IQUB: variants seen among roughly 807,000 people sequenced by gnomAD.
IQUB encodes IQ motif and ubiquitin domain containing, also known as IQ motif and ubiquitin-like domain-containing protein.
Under a neutral mutation model 86.4 loss-of-function variants are expected in IQUB, and 86 were observed. The ratio of observed to expected loss-of-function variants is 1.00; its 90% confidence interval spans 0.84 to 1.19. IQUB has a LOEUF of 1.19. Ranked by LOEUF, IQUB falls within the 50% of genes most tolerant of loss-of-function variation. IQUB has a pLI of 0.00. For synonymous variants in IQUB, 289 were observed against 304.5 expected (o/e 0.95, Z 0.53); for missense variants, 946 against 916.9 (o/e 1.03, Z -0.41).
intron 1 of IQUB, among the ~76,000 whole-genome samples, chr7:123,523,929 C>T (rs1293780946): frequency 6.6e-6 from 1 of 152,110 alleles, no homozygotes; most frequent in Non-Finnish European, 1.5e-5. Flanking sequence ...TATGGCTAGC[C>T]AGTTTTCCCA....
chr7:123,496,354 T>C (rs1795706959), intron 7 of IQUB, among the ~76,000 whole-genome samples: 1 of 152,058 alleles, frequency 6.6e-6, no homozygotes. Flanking sequence ...ACAGCTCAAC[T>C]CTGAGTTCAA....
Position 123,508,111 on chromosome 7 carries a change from AGAG to A in IQUB, c.532+1787_532+1789del, listed in dbSNP as rs1306326752. 5.3e-4 allele frequency among the ~76,000 whole-genome samples: 80 copies of A among 151,782 alleles called. 1 individual carries two copies. The highest frequency in any genetic ancestry group is 1.6e-4 in the Non-Finnish European group (11 of 68,024). ...GGAAGGAAGAGGAAGATTTGATGAC[AGAG>A]GAGAAGGCCATATGACAGAAGCAGA... On this transcript the variant is annotated intron_variant, in intron 3 of 12. Transcript: ENST00000324698.
Position 123,457,585 on chromosome 7 carries a change from T to A in IQUB, c.2008-19A>T, listed in dbSNP as rs1485133352. ...CTTGTAGCTGCATGTCAAAGCAAGT[T>A]TTAAAAACAATGTAGTTTAAATTTG... On this transcript the variant is annotated intron_variant, in intron 11 of 12. Coordinates refer to ENST00000324698, the MANE Select transcript of IQUB (RefSeq NM_178827.5). The A allele has an allele frequency of 6.4e-7, 1 of 1,573,154 alleles. No individual in the cohort carries two copies. The highest frequency in any genetic ancestry group is 8.6e-7 in the Non-Finnish European group (1 of 1,158,272).
Position 123,457,319 on chromosome 7 carries a change from C to T in IQUB, c.2193+62G>A, listed in dbSNP as rs1248364270. 4 of 1,574,498 alleles carry T rather than the reference C, an allele frequency of 2.5e-6. No individual in the cohort carries two copies. The African/African-American group carries it at 4.1e-5, about 16-fold the overall frequency. Reference sequence around the variant, plus strand: ...GCATGGAATATATTAGAAGGCAGTCCAGTTATCGCTAATAATTCCAATGAT... The same window carrying T: ...GCATGGAATATATTAGAAGGCAGTCTAGTTATCGCTAATAATTCCAATGAT... On this transcript the variant is annotated intron_variant, in intron 12 of 12. Coordinates refer to ENST00000324698, the MANE Select transcript of IQUB (RefSeq NM_178827.5).
chr7:123,489,939 TC>T (rs2117129633), intron 7 of IQUB, among the ~76,000 whole-genome samples: 1 of 151,940 alleles, frequency 6.6e-6, no homozygotes, highest in African/African-American at 2.4e-5. Flanking sequence ...AAATTTAAAT[TC>T]ATAATAGTAA....
intron 6 of IQUB, chr7:123,501,718 T>C (rs1046330132): frequency 1.3e-5 from 2 of 152,234 alleles, no homozygotes; most frequent in Non-Finnish European, 2.9e-5. Flanking sequence ...GAACGTGACC[T>C]TGGTCTACTT....
intron 3 of IQUB, among the ~76,000 whole-genome samples, chr7:123,507,756 C>T (rs1413771083): frequency 3.3e-5 from 5 of 151,742 alleles, no homozygotes; most frequent in African/African-American, 4.8e-5. Flanking sequence ...CCCTGTAGTC[C>T]CAGCTGCTTG....
rs1793480307 is a variant in IQUB, at chr7:123,452,756, C to T, written c.2363G>A (p.Arg788Lys). 1.9e-6 allele frequency: 3 copies of T among 1,611,946 alleles called. No individual in the cohort carries two copies. The South Asian group carries it at 3.3e-5, about 18-fold the overall frequency. Residue 788 changes from arginine (R) to lysine (K), a missense_variant, in exon 13 of 13, where the codon AGG becomes AAG. Transcript: ENST00000324698. ...DTTPKIIESQ[R>K]PPH ...CTCCTGGATCACCTAATGAGGAGGC[C>T]TCTGGGATTCTATAATCTTAGGTGT...
intron 11 of IQUB, among the ~76,000 whole-genome samples, chr7:123,460,322 A>T (rs1465052605): frequency 6.6e-6 from 1 of 151,998 alleles, no homozygotes; most frequent in African/African-American, 2.4e-5. Context: ...TGTCATAAAA[A>T]TACATTTTTA....
chr7:123,513,226 T>C (rs1796507069), intron 1 of IQUB, among the ~76,000 whole-genome samples: 1 of 152,182 alleles, frequency 6.6e-6, no homozygotes, highest in Non-Finnish European at 1.5e-5. Flanking sequence ...GGCTACTAAG[T>C]TATAAATTTT....
At chr7:123,463,699 T>TTGAC (rs1410256516) in intron 10 of IQUB, among the ~76,000 whole-genome samples, 1 of 151,776 alleles carries the variant, frequency 6.6e-6, no homozygotes, top group Admixed American at 6.6e-5. Flanking sequence ...ATTTCTTATT[T>TTGAC]TGACTGTGCT....
intron 1 of IQUB, among the ~76,000 whole-genome samples, chr7:123,527,291 G>A (rs759288115): frequency 3.6e-4 from 54 of 152,110 alleles, no homozygotes; most frequent in South Asian, 3.1e-3. Flanking sequence ...TAATTTGATC[G>A]TCTGAAGCCT....
At chr7:123,479,213 T>A (rs1201729417) in intron 8 of IQUB, among the ~76,000 whole-genome samples, 1 of 152,164 alleles carries the variant, frequency 6.6e-6, no homozygotes, top group African/African-American at 2.4e-5. Flanking sequence ...AATTGGTCAC[T>A]ATGGAAACAG....
intron 6 of IQUB, among the ~76,000 whole-genome samples, chr7:123,498,426 C>T (rs988816763): frequency 6.6e-6 from 1 of 151,836 alleles, no homozygotes; most frequent in African/African-American, 2.4e-5. Flanking sequence ...AAAGGAAAGG[C>T]TATCAGTATA....
At chr7:123,525,497 T>C (rs1797153526) in intron 1 of IQUB, among the ~76,000 whole-genome samples, 1 of 152,160 alleles carries the variant, frequency 6.6e-6, no homozygotes, top group African/African-American at 2.4e-5. Flanking sequence ...GTAGAGGTGT[T>C]TGTAGTATTC....
intron 12 of IQUB, among the ~76,000 whole-genome samples, chr7:123,453,281 T>TATATAG (rs1793525836): frequency 6.8e-6 from 1 of 146,350 alleles, no homozygotes; most frequent in South Asian, 2.1e-4. Context: ...TATATATATA[T>TATATAG]ATATTATTAA....
intron 3 of IQUB, among the ~76,000 whole-genome samples, chr7:123,507,386 T>A (rs1796227579): frequency 6.6e-6 from 1 of 152,142 alleles, no homozygotes; most frequent in African/African-American, 2.4e-5. Context: ...TAAGGTAGGC[T>A]AGGCTAAGCT....
At chr7:123,503,941 C>A (rs572584678) in intron 3 of IQUB, among the ~76,000 whole-genome samples, 1 of 151,882 alleles carries the variant, frequency 6.6e-6, no homozygotes, top group East Asian at 1.9e-4. Context: ...CCATGAAACT[C>A]CATAAACATT....
At chr7:123,456,317 G>A (rs1793695046) in intron 12 of IQUB, among the ~76,000 whole-genome samples, 1 of 151,996 alleles carries the variant, frequency 6.6e-6, no homozygotes. Context: ...CTCATCATGG[G>A]TCCTAGATGA....
Sources: allele counts gnomAD v4.1 joint callset (sites outside exome capture counted in the v4.1 genomes callset), GRCh38; gene constraint gnomAD v4.1.1; transcripts MANE v1.5; gene names NCBI Gene and HGNC (gene_info 2026-07-23, HGNC 2026-07-21).